Variants in SYTL2 observed in about 807,000 individuals in gnomAD.
SYTL2 encodes synaptotagmin like 2.
A neutral mutation model predicts 198.7 loss-of-function variants in SYTL2; 165 were observed. The ratio of observed to expected loss-of-function variants is 0.83; its 90% CI spans 0.73 to 0.94. SYTL2 has a LOEUF of 0.94. SYTL2 is among the 40% of genes least tolerant of loss of function. The probability of loss-of-function intolerance (pLI) is 0.00; values close to 1 mark genes in which losing one functional copy is unlikely to be tolerated. For synonymous variants in SYTL2, 966 were observed against 917.7 expected (o/e 1.05, Z -0.95); for missense variants, 2,835 against 2,582.8 (o/e 1.10, Z -2.12).
chr11:85,695,326 T>A lies in SYTL2; in HGVS notation c.6589A>T (p.Thr2197Ser), dbSNP rs555747398. 7 of 1,560,522 alleles carry A rather than the reference T, an allele frequency of 4.5e-6. No individual in the cohort carries two copies. In the South Asian group the frequency reaches 4.8e-5, roughly 11 times the overall value. The change falls in exon 20 of 20, where the codon ACT becomes TCT. Residue 2197 changes from threonine (T) to serine (S), a missense_variant. Thr to Ser is a moderately conservative substitution (Grantham distance 58). This residue lies in a region of SYTL2 where 185 missense variants were observed against 182.1 expected (regional missense o/e 1.02). Transcript: ENST00000359152. Reference sequence around the variant, plus strand: ...GTAGAGTCCATCCAGTCCACTTCAGTCCCATAACTTTTACCTGAAAAAAGG... The same window carrying A: ...GTAGAGTCCATCCAGTCCACTTCAGACCCATAACTTTTACCTGAAAAAAGG... ...IGFGTGKSYG[T>S]EVDWMDSTSE...
intron 1 of SYTL2, among the ~76,000 whole-genome samples, chr11:85,785,732 T>C (rs1365652143): frequency 6.6e-6 from 1 of 152,172 alleles, no homozygotes; most frequent in East Asian, 1.9e-4. Flanking sequence ...CCAAAGAAGC[T>C]ACATATTAAG....
At chr11:85,789,364 A>ATATATATATG (rs2092693087) in intron 1 of SYTL2, among the ~76,000 whole-genome samples, 2 of 58,508 alleles carry the variant, frequency 3.4e-5, no homozygotes, top group African/African-American at 1.3e-4. Flanking sequence ...ATATATATAT[A>ATATATATATG]TATATATATA....
the SYTL2 span, chr11:85,853,394 G>C: frequency 2.8e-5 from 12 of 428,354 alleles, no homozygotes; most frequent in East Asian, 7.8e-4. Context: ...CATGTGCTGT[G>C]TCCACTCAGG....
the SYTL2 span, among the ~76,000 whole-genome samples, chr11:85,833,838 A>G: frequency 6.7e-6 from 1 of 150,178 alleles, no homozygotes; most frequent in Admixed American, 6.7e-5. Context: ...TCTCGGGTTC[A>G]AGCTTTTCTC....
chr11:85,747,890 C>T (rs376632182), intron 3 of SYTL2, among the ~76,000 whole-genome samples: 1 of 152,080 alleles, frequency 6.6e-6, no homozygotes, highest in Non-Finnish European at 1.5e-5. Flanking sequence ...GAAAGTACTA[C>T]CATATGTTAA....
At chr11:85,826,865 C>G in the SYTL2 span, among the ~76,000 whole-genome samples, 2 of 152,204 alleles carry the variant, frequency 1.3e-5, no homozygotes, top group East Asian at 3.8e-4. Context: ...AAGAGATGAA[C>G]AGTGAAAGTG....
chr11:85,709,436 A>T lies in SYTL2; in HGVS notation c.5810T>A (p.Ile1937Asn). 3.1e-6 allele frequency: 5 copies of T among 1,614,140 alleles called. No individual in the cohort carries two copies. Among genetic ancestry groups the T allele is most frequent in the Non-Finnish European group, 4.2e-6 (5 of 1,179,996 alleles). Residue 1937 changes from isoleucine (I) to asparagine (N), a missense_variant, in exon 14 of 20, where the codon ATT becomes AAT. Physicochemically the swap from Ile to Asn is moderately radical, Grantham distance 149. Transcript: ENST00000359152. Reference protein sequence around the residue: ...DFGNLEVKGNIQFAIEYVESL... With the variant: ...DFGNLEVKGNNQFAIEYVESL... ...CTCCACATATTCAATTGCAAACTGA[A>T]TATTTCCTTTAACTTCCAGATTGCC...
At chr11:85,723,912 G>A in intron 8 of SYTL2, 120 bp downstream of exon 8, 1 of 475,536 alleles carries the variant, frequency 2.1e-6, no homozygotes. Context: ...CACAGAAGTG[G>A]TAAGAAGAAT....
intron 1 of SYTL2, among the ~76,000 whole-genome samples, chr11:85,789,074 G>C (rs2092681639): frequency 6.6e-6 from 1 of 151,158 alleles, no homozygotes; most frequent in South Asian, 2.1e-4. Flanking sequence ...AAAGATGAAT[G>C]TTCTTTCCAG....
the SYTL2 span, among the ~76,000 whole-genome samples, chr11:85,843,842 T>A: frequency 6.6e-6 from 1 of 152,114 alleles, no homozygotes; most frequent in Non-Finnish European, 1.5e-5. Context: ...GATAAGGAAA[T>A]TGAGACACAG....
Position 85,734,072 on chromosome 11 carries a change from AT to A in SYTL2, c.1256del (p.Asn419MetfsTer10). On this transcript the variant is annotated frameshift_variant, in exon 7 of 20. Coordinates refer to ENST00000359152, the MANE Select transcript of SYTL2 (RefSeq NM_206927.4). LOFTEE classifies it high-confidence loss of function. ...QPMTSGSFPINGLHSHSEVLT... is the reference protein window; with the variant it reads ...QPMTSGSFPIXGLHSHSEVLT... ...AAACTTCTGAATGAGAATGCAGCCC[AT>A]TAATTGGAAAAGAACCAGAAGTCAT... 6.2e-7 allele frequency: 1 copy of A among 1,614,206 alleles called. No homozygotes were observed. Among genetic ancestry groups the A allele is most frequent in the Middle Eastern group, 1.6e-4 (1 of 6,062 alleles).
intron 12 of SYTL2, among the ~76,000 whole-genome samples, chr11:85,711,485 C>T (rs2086274593): frequency 6.6e-6 from 1 of 152,146 alleles, no homozygotes; most frequent in African/African-American, 2.4e-5. Flanking sequence ...AGTAGTCTTT[C>T]CCAAAGTGCT....
intron 1 of SYTL2, among the ~76,000 whole-genome samples, chr11:85,809,395 G>C (rs901773625): frequency 6.6e-6 from 1 of 152,306 alleles, no homozygotes; most frequent in South Asian, 2.1e-4. Flanking sequence ...ATTACCTCCA[G>C]AATAACGGAA....
intron 2 of SYTL2, 111 bp from the exon 3 acceptor site, chr11:85,748,534 T>A: frequency 8.4e-7 from 1 of 1,195,128 alleles, no homozygotes. Context: ...GAAGCTTTAA[T>A]ATTTCAGATG....
the SYTL2 span, among the ~76,000 whole-genome samples, chr11:85,819,528 C>T: frequency 7.2e-5 from 11 of 152,304 alleles, no homozygotes; most frequent in South Asian, 2.3e-3. Context: ...AGTAATTTAG[C>T]CTAAGCTTTT....
At chr11:85,730,623 C>T (rs1245158240) in intron 7 of SYTL2, among the ~76,000 whole-genome samples, 5 of 152,056 alleles carry the variant, frequency 3.3e-5, no homozygotes, top group Admixed American at 3.3e-4. Flanking sequence ...TATAACAAAC[C>T]CACAGCCAAT....
intron 1 of SYTL2, among the ~76,000 whole-genome samples, chr11:85,810,649 A>T (rs1280331154): frequency 2.6e-5 from 4 of 151,118 alleles, no homozygotes; most frequent in Non-Finnish European, 5.9e-5. Flanking sequence ...CCCCAAGCCC[A>T]GGTCAGTCCC....
At chr11:85,701,112 T>A (rs1240918376) in intron 16 of SYTL2, among the ~76,000 whole-genome samples, 3 of 152,230 alleles carry the variant, frequency 2.0e-5, no homozygotes, top group African/African-American at 7.2e-5. Flanking sequence ...AATAATTTTT[T>A]AAACTTCTAT....
upstream of SYTL2, among the ~76,000 whole-genome samples, chr11:85,814,588 A>G (rs1231159316): frequency 6.6e-6 from 1 of 152,182 alleles, no homozygotes; most frequent in East Asian, 1.9e-4. Flanking sequence ...TTGTTTGCAG[A>G]ATTGAGTATG....
Sources: gnomAD v4.1 joint callset for allele counts (sites outside exome capture counted in the v4.1 genomes callset) on GRCh38, gnomAD v4.1.1 for gene constraint, gnomAD v4.1.1 regional missense constraint, MANE v1.5 for transcripts, NCBI Gene and HGNC (gene_info 2026-07-23, HGNC 2026-07-21) for gene names.